Variants in GPHN observed in about 807,000 individuals in gnomAD.
GPHN encodes gephyrin.
In GPHN, 17 loss-of-function variants were observed where a neutral mutation model predicts 95.5. That is an observed-to-expected ratio of 0.18 (90% confidence interval 0.12 to 0.27). GPHN has a LOEUF of 0.27. GPHN is among the 10% of genes least tolerant of loss of function. The pLI is 1.00. For missense variants in GPHN, 660 were observed against 978.1 expected (o/e 0.67, Z 4.34); for synonymous variants, 320 against 322.5 (o/e 0.99, Z 0.08).
At chr14:66,564,575 G>A (rs916319098) in intron 1 of GPHN, among the ~76,000 whole-genome samples, 6 of 152,128 alleles carry the variant, frequency 3.9e-5, no homozygotes, top group Admixed American at 3.9e-4. Flanking sequence ...GGAGTAGGAG[G>A]TATTTAAAGT....
chr14:66,755,989 T>C (rs1275443521), intron 2 of GPHN, among the ~76,000 whole-genome samples: 3 of 152,162 alleles, frequency 2.0e-5, no homozygotes. Context: ...ATTTGTGCAT[T>C]TATCTGCTTA....
chr14:66,800,046 CT>C (rs1242292567), intron 3 of GPHN, among the ~76,000 whole-genome samples: 1 of 151,974 alleles, frequency 6.6e-6, no homozygotes, highest in Non-Finnish European at 1.5e-5. Context: ...CAACTTAACA[CT>C]TTTTGCATAA....
chr14:67,163,684 T>A (rs2082095527), intron 19 of GPHN, among the ~76,000 whole-genome samples: 1 of 152,136 alleles, frequency 6.6e-6, no homozygotes. Flanking sequence ...AGAGATCTAT[T>A]TTTGAAAGAT....
chr14:67,669,502 T>C, the GPHN span, among the ~76,000 whole-genome samples: 2 of 151,632 alleles, frequency 1.3e-5, no homozygotes, highest in Non-Finnish European at 2.9e-5. Flanking sequence ...CTTGGCCTCA[T>C]GCAATCCTCC....
chr14:66,571,641 T>C lies in GPHN; in HGVS notation c.64+63050T>C, dbSNP rs369505738. Among the ~76,000 whole-genome samples, 37 of 152,124 alleles carry C rather than the reference T, an allele frequency of 2.4e-4. No individual in the cohort carries two copies. In the South Asian group the frequency reaches 6.6e-3, roughly 27 times the overall value. On this transcript the variant is annotated intron_variant, in intron 1 of 22. Coordinates refer to ENST00000478722, the MANE Select transcript of GPHN (RefSeq NM_020806.5). ...GCCTGGCCAACATGGTGAAACCGCG[T>C]CTCTACTAAAAATATAAAAATTAGC...
chr14:67,473,336 G>A, the GPHN span: 1 of 1,541,442 alleles, frequency 6.5e-7, no homozygotes, highest in South Asian at 1.2e-5. The surrounding 1 kb of genome is among the most constrained non-coding windows in gnomAD (Gnocchi z 6.5). Flanking sequence ...GGCTTTTGCT[G>A]CATGGATGGG....
chr14:66,955,402 G>T (rs1387234028), intron 8 of GPHN, among the ~76,000 whole-genome samples: 2 of 152,130 alleles, frequency 1.3e-5, no homozygotes, highest in South Asian at 4.2e-4. Context: ...GTTGTTCCTA[G>T]TATTTAATTA....
At chr14:67,163,385 A>G (rs936715522) in intron 19 of GPHN, among the ~76,000 whole-genome samples, 1 of 152,104 alleles carries the variant, frequency 6.6e-6, no homozygotes, top group Non-Finnish European at 1.5e-5. Flanking sequence ...AACTATTGCT[A>G]CTATTCTCTG....
chr14:67,295,910 T>TGTTC, the GPHN span, among the ~76,000 whole-genome samples: 1 of 152,106 alleles, frequency 6.6e-6, no homozygotes, highest in Non-Finnish European at 1.5e-5. Flanking sequence ...TAAAAACAGA[T>TGTTC]GTTCATAGCA....
At chr14:67,198,943 T>C in the GPHN span, 2 of 701,482 alleles carry the variant, frequency 2.9e-6, no homozygotes, top group Non-Finnish European at 5.2e-6. Flanking sequence ...AACACTGAGC[T>C]ATTACCTCTA....
At chr14:67,436,193 C>G in the GPHN span, among the ~76,000 whole-genome samples, 5 of 152,186 alleles carry the variant, frequency 3.3e-5, no homozygotes, top group African/African-American at 1.2e-4. Flanking sequence ...TACTACTGTC[C>G]AGCCAAGGTT....
intron 10 of GPHN, among the ~76,000 whole-genome samples, chr14:67,030,775 C>G (rs2153630509): frequency 6.6e-6 from 1 of 152,246 alleles, no homozygotes; most frequent in South Asian, 2.1e-4. Flanking sequence ...CTTGCAAGAC[C>G]TCATCTATCT....
At chr14:67,256,579 G>C in the GPHN span, among the ~76,000 whole-genome samples, 41 of 151,400 alleles carry the variant, frequency 2.7e-4, no homozygotes, top group Middle Eastern at 3.4e-3. Flanking sequence ...ATGGAGTCTC[G>C]CTCTGTTGCC....
intron 1 of GPHN, among the ~76,000 whole-genome samples, chr14:66,648,984 G>C (rs1229926862): frequency 2.0e-5 from 3 of 152,126 alleles, no homozygotes; most frequent in African/African-American, 7.2e-5. Context: ...GGTTTTGTTT[G>C]ATCTTACCCC....
the GPHN span, among the ~76,000 whole-genome samples, chr14:67,598,284 G>T: frequency 6.6e-6 from 1 of 152,200 alleles, no homozygotes; most frequent in Non-Finnish European, 1.5e-5. Context: ...GGTACTTGAT[G>T]GGGGTAAGCA....
intron 9 of GPHN, among the ~76,000 whole-genome samples, chr14:66,978,147 A>C (rs117046274): frequency 0.012 from 1,827 of 152,340 alleles, 18 homozygotes; most frequent in Non-Finnish European, 0.018. Context: ...CATCTGAGCC[A>C]TCAGCAGGTC....
the GPHN span, chr14:67,541,726 T>G: frequency 1.4e-6 from 1 of 712,492 alleles, no homozygotes; most frequent in African/African-American, 1.9e-5. Context: ...TGTTTTCTCT[T>G]CCCCAGCCCT....
chr14:67,325,679 T>A, the GPHN span, among the ~76,000 whole-genome samples: 1 of 152,198 alleles, frequency 6.6e-6, no homozygotes, highest in Admixed American at 6.5e-5. Context: ...ACTCCATGCT[T>A]CCTGTTCAGC....
chr14:67,419,527 G>A, the GPHN span, among the ~76,000 whole-genome samples: 1 of 152,232 alleles, frequency 6.6e-6, no homozygotes, highest in South Asian at 2.1e-4. Context: ...TCCACGCAGG[G>A]CTGCCTTCCC....
Sources: gnomAD v4.1 joint callset for allele counts (sites outside exome capture counted in the v4.1 genomes callset) on GRCh38, gnomAD v4.1.1 for gene constraint, Gnocchi (gnomAD v3.1) non-coding constraint, MANE v1.5 for transcripts, NCBI Gene and HGNC (gene_info 2026-07-23, HGNC 2026-07-21) for gene names.